Variants in FBLN1 observed in about 807,000 individuals in gnomAD.
The protein encoded by FBLN1 is fibulin 1.
A neutral mutation model predicts 89.7 loss-of-function variants in FBLN1; 34 were observed. The ratio of observed to expected loss-of-function variants is 0.38; its 90% confidence interval spans 0.29 to 0.50. The LOEUF (loss-of-function observed/expected upper bound fraction) is 0.50. FBLN1 is among the 20% of genes least tolerant of loss of function. The pLI, the probability that FBLN1 is intolerant of heterozygous loss-of-function variation, is 0.92. For synonymous variants in FBLN1, 393 were observed against 391.3 expected (o/e 1.00, Z -0.05); for missense variants, 777 against 988.1 (o/e 0.79, Z 2.86).
chr22:45,585,501 C>T (rs1322348354), intron 16 of FBLN1, among the ~76,000 whole-genome samples: 1 of 152,232 alleles, frequency 6.6e-6, no homozygotes, highest in Non-Finnish European at 1.5e-5. Flanking sequence ...AACAACAGCG[C>T]GGCCGTCCCT....
chr22:45,557,031 A>C lies in FBLN1; in HGVS notation c.1697+6416A>C, dbSNP rs547217127. Among the ~76,000 whole-genome samples the C allele has an allele frequency of 6.6e-6, 1 of 152,182 alleles. No homozygotes were observed. Among genetic ancestry groups the C allele is most frequent in the African/African-American group, 2.4e-5 (1 of 41,450 alleles). ...CTGTAGAACTTTGTCCCAGCCCTGC[A>C]AAGTACTGTCACCTAGTTGGCATTG... On this transcript the variant is annotated intron_variant, in intron 14 of 16. Transcript: ENST00000327858. This position sits in a 1 kb window ranked among gnomAD's most constrained non-coding sequence, Gnocchi z 4.9.
intron 1 of FBLN1, among the ~76,000 whole-genome samples, chr22:45,509,899 G>A (rs1358760733): frequency 1.3e-5 from 2 of 152,086 alleles, no homozygotes; most frequent in South Asian, 2.1e-4. Flanking sequence ...TGGGGTGGGG[G>A]CATGATCCTT....
chr22:45,554,117 A>G (rs1242628596), intron 14 of FBLN1, among the ~76,000 whole-genome samples: 9 of 152,172 alleles, frequency 5.9e-5, no homozygotes, highest in Admixed American at 5.9e-4. Flanking sequence ...CTGCATCCTC[A>G]ATGGGCGTCT....
chr22:45,503,280 C>G (rs2087972770), intron 1 of FBLN1: 3 of 301,530 alleles, frequency 9.9e-6, no homozygotes, highest in Non-Finnish European at 1.8e-5. Context: ...GTTTCAAAAC[C>G]GGATTCCCCC....
intron 4 of FBLN1, among the ~76,000 whole-genome samples, chr22:45,528,951 G>T (rs758180566): frequency 1.8e-4 from 27 of 152,182 alleles, no homozygotes; most frequent in Non-Finnish European, 3.4e-4. Flanking sequence ...TGGGAAGTGG[G>T]GATAGTTGCA....
chr22:45,533,977 C>T (rs933545887), intron 7 of FBLN1, 79 bp downstream of exon 7: 1 of 1,590,542 alleles, frequency 6.3e-7, no homozygotes, highest in African/African-American at 1.3e-5. Flanking sequence ...GCTCTGGGGT[C>T]TGGGCTCCCG....
intron 14 of FBLN1, among the ~76,000 whole-genome samples, chr22:45,569,882 T>G (rs1236709141): frequency 6.6e-6 from 1 of 152,032 alleles, no homozygotes; most frequent in Non-Finnish European, 1.5e-5. Context: ...AGCAAACAAA[T>G]GCACAGCTAT....
intron 1 of FBLN1, among the ~76,000 whole-genome samples, chr22:45,514,601 T>TGGA (rs1297485377): frequency 6.6e-6 from 1 of 151,974 alleles, no homozygotes; most frequent in Non-Finnish European, 1.5e-5. Context: ...CCTGGGACGA[T>TGGA]GGAGGAGGAG....
intron 1 of FBLN1, among the ~76,000 whole-genome samples, chr22:45,507,230 G>A (rs758771177): frequency 2.0e-5 from 3 of 152,186 alleles, no homozygotes; most frequent in Admixed American, 6.5e-5. Flanking sequence ...AGGCTGGGGT[G>A]GGAGGGAGCG....
rs150502448 is a variant in FBLN1, at chr22:45,582,091, C to T, written c.1972+4983C>T. ...ACTCAGCAGGTAAGAAGACTGAGGC[C>T]GGAAGAGCCAAGTCCCCAGGATCTC... On this transcript the variant is annotated intron_variant, in intron 16 of 16. Transcript: ENST00000327858. Among the ~76,000 whole-genome samples the T allele has an allele frequency of 4.1e-3, 622 of 152,264 alleles. 2 individuals are homozygous for T. Among genetic ancestry groups the T allele is most frequent in the African/African-American group, 0.015 (608 of 41,532 alleles).
In FBLN1 at chr22:45,543,373, CCT is replaced by C. The variant is rs534060901; in HGVS notation, c.1196-27_1196-26del. Reference sequence around the variant, plus strand: ...GTGGTGCCACTGTGTTGGACATTGCCCTGAGTCAGCCCACCCCTCACTTTCAG... The same window carrying C: ...GTGGTGCCACTGTGTTGGACATTGCCGAGTCAGCCCACCCCTCACTTTCAG... On this transcript the variant is annotated intron_variant, in intron 10 of 16. Coordinates refer to ENST00000327858, the MANE Select transcript of FBLN1 (RefSeq NM_006486.3). 20 of 1,609,598 alleles carry C rather than the reference CCT, an allele frequency of 1.2e-5. No homozygotes were observed. In the African/African-American group the frequency reaches 2.1e-4, roughly 17 times the overall value.
At chr22:45,585,849 G>C (rs5765508) in intron 16 of FBLN1, among the ~76,000 whole-genome samples, 54,350 of 151,810 alleles carry the variant, frequency 0.36, 11,580 homozygotes, top group Admixed American at 0.52. Context: ...AGGCATCAGA[G>C]CCTGTGCCCT....
intron 16 of FBLN1, among the ~76,000 whole-genome samples, chr22:45,593,766 A>T (rs1473592274): frequency 1.3e-5 from 2 of 152,122 alleles, no homozygotes; most frequent in Non-Finnish European, 2.9e-5. Context: ...CTAGATTGTG[A>T]GGCTTCAGGG....
At chr22:45,584,872 G>A (rs574146828) in intron 16 of FBLN1, among the ~76,000 whole-genome samples, 66 of 152,366 alleles carry the variant, frequency 4.3e-4, no homozygotes, top group African/African-American at 1.5e-3. Context: ...CCGGAAGCAA[G>A]TCAGCAAGCA....
rs1420678310 is a variant in FBLN1 at position 45,580,568 on chromosome 22, C to T, written c.1972+3460C>T. Among the ~76,000 whole-genome samples, 4 of 152,166 alleles carry T rather than the reference C, an allele frequency of 2.6e-5. No homozygotes were observed. The highest frequency in any genetic ancestry group is 1.9e-4 in the East Asian group (1 of 5,190). ...TTATCTCCTCTAACAAAGGAGAGAG[C>T]GAGAGCCAGAGAGGGCAAGAGATTT... On this transcript the variant is annotated intron_variant, in intron 16 of 16. Coordinates refer to ENST00000327858, the MANE Select transcript of FBLN1 (RefSeq NM_006486.3). The surrounding 1 kb of genome is among the most constrained non-coding windows in gnomAD (Gnocchi z 8.6).
chr22:45,551,397 C>T (rs780748729), intron 14 of FBLN1, among the ~76,000 whole-genome samples: 1 of 152,256 alleles, frequency 6.6e-6, no homozygotes, highest in Non-Finnish European at 1.5e-5. Context: ...TGACCTTCAG[C>T]CTGCCTTGGG....
rs575243222 is a variant in FBLN1, at chr22:45,556,487, C to T, written c.1697+5872C>T. Among the ~76,000 whole-genome samples the T allele has an allele frequency of 6.6e-6, 1 of 151,824 alleles. No individual in the cohort carries two copies. The highest frequency in any genetic ancestry group is 2.4e-5 in the African/African-American group (1 of 41,372). On this transcript the variant is annotated intron_variant, in intron 14 of 16. Transcript: ENST00000327858. The surrounding 1 kb of genome is among the most constrained non-coding windows in gnomAD (Gnocchi z 4.6). ...TGGTGGAGTGACCCAAACCTTCATT[C>T]CTGAAGGGTCTGGGTCATTTGTAGT...
chr22:45,596,773 A>G (rs530310471), intron 16 of FBLN1, among the ~76,000 whole-genome samples: 107 of 147,218 alleles, frequency 7.3e-4, no homozygotes, highest in Middle Eastern at 7.2e-3. Flanking sequence ...ATGGATATTT[A>G]TATATAATTA....
At position 45,535,297 on chromosome 22, in the gene FBLN1, C is replaced by T. The variant is rs138580627; in HGVS notation, c.882C>T (p.Cys294=). Residue 294 remains cysteine (C), a synonymous_variant, in exon 8 of 17, where the codon TGC becomes TGT. Transcript: ENST00000327858. ...GSFRCRPKLQ[C]KSGFIQDALG... ...TCCGCTGCCGACCCAAGCTACAGTGCAAGAGTGGCTTTATACAAGATGCTC... is the reference window on the plus strand; with the variant it reads ...TCCGCTGCCGACCCAAGCTACAGTGTAAGAGTGGCTTTATACAAGATGCTC... 169 of 1,613,984 alleles carry T rather than the reference C, an allele frequency of 1.0e-4. No individual in the cohort carries two copies. The highest frequency in any genetic ancestry group is 1.4e-4 in the Non-Finnish European group (166 of 1,179,974).
Sources: gnomAD v4.1 joint callset for allele counts (sites outside exome capture counted in the v4.1 genomes callset) on GRCh38, gnomAD v4.1.1 for gene constraint, Gnocchi (gnomAD v3.1) non-coding constraint, MANE v1.5 for transcripts, NCBI Gene and HGNC (gene_info 2026-07-23, HGNC 2026-07-21) for gene names.